ARL13B: variants seen among roughly 807,000 people sequenced by gnomAD.
The protein encoded by ARL13B is ARF like GTPase 13B, also known as ADP-ribosylation factor-like protein 13B.
ARL13B carries 36 observed loss-of-function variants against 56.1 expected under a neutral mutation model. That is an observed-to-expected ratio of 0.64 (90% CI 0.49 to 0.85). ARL13B has a LOEUF of 0.85. Ranked by LOEUF, ARL13B falls within the 40% of genes least tolerant of loss-of-function variation. ARL13B has a pLI of 0.00. For synonymous variants in ARL13B, 178 were observed against 171.1 expected, an observed-to-expected ratio of 1.04 and a Z score of -0.32; for missense variants, 519 against 507.1, an observed-to-expected ratio of 1.02 and a Z score of -0.23.
At chr3:94,038,604 A>G (rs1576032163) in intron 5 of ARL13B, among the ~76,000 whole-genome samples, 1 of 143,632 alleles carries the variant, frequency 7.0e-6, no homozygotes, top group Non-Finnish European at 1.5e-5. Context: ...GCGCACTGCA[A>G]CCTCCGTCTC....
intron 3 of ARL13B, among the ~76,000 whole-genome samples, chr3:94,009,457 A>G (rs2076187599): frequency 2.0e-5 from 3 of 152,092 alleles, no homozygotes; most frequent in Non-Finnish European, 4.4e-5. Flanking sequence ...GAGAAGTTAA[A>G]TAGGTTATGG....
At chr3:93,985,192 T>C (rs1032055684) in intron 1 of ARL13B, among the ~76,000 whole-genome samples, 2 of 152,230 alleles carry the variant, frequency 1.3e-5, no homozygotes, top group African/African-American at 4.8e-5. Context: ...TATTGCAATC[T>C]ATTTAGCTTA....
At chr3:94,003,571 T>A in intron 2 of ARL13B, 88 bp from the exon 3 acceptor site, 8 of 1,443,932 alleles carry the variant, frequency 5.5e-6, no homozygotes, top group African/African-American at 1.4e-5. Context: ...GCTAAATATT[T>A]CACTTGGGTG....
chr3:94,049,575 A>AG (rs1248718983), intron 8 of ARL13B, 53 bp downstream of exon 8: 11 of 1,219,266 alleles, frequency 9.0e-6, no homozygotes, highest in South Asian at 5.3e-5. Context: ...TAAACAACAG[A>AG]GAAAAAAAAA....
At chr3:94,004,129 G>A (rs753472970) in intron 3 of ARL13B, among the ~76,000 whole-genome samples, 2 of 152,036 alleles carry the variant, frequency 1.3e-5, no homozygotes, top group Admixed American at 6.6e-5. Flanking sequence ...GGATCTCTTC[G>A]ATATTCAAAT....
rs779020845 is a variant in ARL13B at position 93,980,348 on chromosome 3, G to A, written c.-76G>A. The A allele has an allele frequency of 1.3e-5, 21 of 1,583,364 alleles. No individual in the cohort carries two copies. The highest frequency in any genetic ancestry group is 1.7e-5 in the Non-Finnish European group (20 of 1,161,832). ...ACTTTAGGGGCGTCTCGGAGTGCCG[G>A]AGGCCCCCGGGGAAGAGCGGGGTGC... On this transcript the variant is annotated 5_prime_UTR_variant, in exon 1 of 10. Transcript: ENST00000394222.
At chr3:94,029,982 A>G (rs929099696) in intron 3 of ARL13B, among the ~76,000 whole-genome samples, 24 of 152,234 alleles carry the variant, frequency 1.6e-4, no homozygotes, top group Admixed American at 6.5e-4. Context: ...TTGTATATAT[A>G]CACAAATACA....
At chr3:94,017,184 TA>T (rs1178107365) in intron 3 of ARL13B, among the ~76,000 whole-genome samples, 1 of 152,110 alleles carries the variant, frequency 6.6e-6, no homozygotes, top group Non-Finnish European at 1.5e-5. Context: ...CTCATTGAAA[TA>T]AATGGTAATA....
Position 94,055,466 on chromosome 3 carries a change from T to G in ARL13B, c.*2203T>G. ...AGTTTTTATGTATGTGGGAAAGAAT[T>G]TGTGATTTTAAATGCAGCTACAAAT... On this transcript the variant is annotated 3_prime_UTR_variant, in exon 10 of 10. Transcript: ENST00000394222. 2.2e-6 allele frequency: 1 copy of G among 453,746 alleles called. No individual in the cohort carries two copies. Among genetic ancestry groups the G allele is most frequent in the South Asian group, 1.6e-5 (1 of 64,418 alleles). 28.1% of individuals were successfully genotyped at this position (453,746 alleles called of 1,614,324 possible). A position where few individuals can be genotyped will look rare whatever the true frequency, so the allele number is the denominator to read the frequency against.
chr3:94,015,979 A>G (rs2076326175), intron 3 of ARL13B, among the ~76,000 whole-genome samples: 1 of 152,120 alleles, frequency 6.6e-6, no homozygotes, highest in African/African-American at 2.4e-5. Context: ...GTGTTAGGTG[A>G]TACTTTTATA....
At chr3:94,037,871 T>A (rs2076795849) in intron 5 of ARL13B, among the ~76,000 whole-genome samples, 1 of 152,308 alleles carries the variant, frequency 6.6e-6, no homozygotes, top group South Asian at 2.1e-4. Flanking sequence ...TTCTAGATCA[T>A]GTTATGGCAG....
At chr3:94,051,098 T>C (rs2077060053) in intron 9 of ARL13B, among the ~76,000 whole-genome samples, 1 of 152,176 alleles carries the variant, frequency 6.6e-6, no homozygotes, top group South Asian at 2.1e-4. Context: ...ATTTGGTGTT[T>C]ACCTTAGAAT....
At chr3:94,018,739 G>A (rs2076385143) in intron 3 of ARL13B, among the ~76,000 whole-genome samples, 1 of 152,050 alleles carries the variant, frequency 6.6e-6, no homozygotes, top group African/African-American at 2.4e-5. Flanking sequence ...TATTTTTCCA[G>A]TTGCTCAGAC....
chr3:94,013,720 C>A (rs188981523), intron 3 of ARL13B, among the ~76,000 whole-genome samples: 1 of 152,062 alleles, frequency 6.6e-6, no homozygotes, highest in Non-Finnish European at 1.5e-5. Context: ...CCCAGGGGGG[C>A]GGATCACTGG....
At chr3:94,000,121 TG>T (rs1384787856) in intron 2 of ARL13B, among the ~76,000 whole-genome samples, 1 of 152,216 alleles carries the variant, frequency 6.6e-6, no homozygotes, top group Non-Finnish European at 1.5e-5. Context: ...GTTCTGGACC[TG>T]CTTTTCATAT....
chr3:94,050,814 TTTTC>T lies in ARL13B; in HGVS notation c.1142-6_1142-3del, dbSNP rs2077054916. Reference sequence around the variant, plus strand: ...AACAGTGTTTTTTAAATGTTTTTCTTTTTCTTTAGTTGGCTGGGGAACCCCTAAA... The same window carrying T: ...AACAGTGTTTTTTAAATGTTTTTCTTTTTAGTTGGCTGGGGAACCCCTAAA... On this transcript the variant is annotated splice_polypyrimidine_tract_variant and splice_region_variant and intron_variant, in intron 8 of 9. Coordinates refer to ENST00000394222, the MANE Select transcript of ARL13B (RefSeq NM_001174150.2). 1 of 1,610,402 alleles carries T rather than the reference TTTTC, an allele frequency of 6.2e-7. No individual in the cohort carries two copies. The highest frequency in any genetic ancestry group is 8.5e-7 in the Non-Finnish European group (1 of 1,179,348).
intron 7 of ARL13B, among the ~76,000 whole-genome samples, chr3:94,048,596 G>T (rs951415767): frequency 6.6e-6 from 1 of 151,580 alleles, no homozygotes; most frequent in South Asian, 2.1e-4. Flanking sequence ...TTATTTATTT[G>T]ATTTTTTTTT....
At chr3:93,981,025 A>G (rs966158704) in intron 1 of ARL13B, among the ~76,000 whole-genome samples, 2 of 152,212 alleles carry the variant, frequency 1.3e-5, no homozygotes, top group Admixed American at 6.5e-5. Context: ...ATTGTATTCA[A>G]TGAGAACAAG....
intron 7 of ARL13B, among the ~76,000 whole-genome samples, chr3:94,045,974 A>G (rs200628475): frequency 1.3e-5 from 2 of 151,318 alleles, no homozygotes; most frequent in Non-Finnish European, 2.9e-5. Flanking sequence ...AAAAGAAAAA[A>G]AAAAGACATA....
Sources: allele counts gnomAD v4.1 joint callset (sites outside exome capture counted in the v4.1 genomes callset), GRCh38; gene constraint gnomAD v4.1.1; transcripts MANE v1.5; gene names NCBI Gene and HGNC (gene_info 2026-07-23, HGNC 2026-07-21).